SYNE2: variants seen among roughly 807,000 people sequenced by gnomAD.
SYNE2 encodes the protein nesprin-2.
In SYNE2, 431 loss-of-function variants were observed where a neutral mutation model predicts 856.3. That is an observed-to-expected ratio of 0.50 (90% CI 0.47 to 0.55). SYNE2 has a LOEUF of 0.55. SYNE2 is among the 20% of genes least tolerant of loss of function. The pLI is 0.00. For synonymous variants in SYNE2, 2,923 were observed against 2,872.3 expected, an observed-to-expected ratio of 1.02 and a Z score of -0.56; for missense variants, 8,129 against 8,023.2, an observed-to-expected ratio of 1.01 and a Z score of -0.50.
Position 64,090,617 on chromosome 14 carries a change from A to G in SYNE2, c.11794-249A>G, listed in dbSNP as rs1222689291. Among the ~76,000 whole-genome samples, 3 of 152,204 alleles carry G rather than the reference A, an allele frequency of 2.0e-5. No individual in the cohort carries two copies. The East Asian group carries it at 5.8e-4, about 29-fold the overall frequency. On this transcript the variant is annotated intron_variant, in intron 59 of 115. Coordinates refer to ENST00000555002, the MANE Select transcript of SYNE2 (RefSeq NM_182914.3). ...AGTTCTACACAGAAAGTGGAGGGAGAAAAGGAAGAAAAAGTTGTCCAAATG... is the reference window on the plus strand; with the variant it reads ...AGTTCTACACAGAAAGTGGAGGGAGGAAAGGAAGAAAAAGTTGTCCAAATG...
intron 1 of SYNE2, among the ~76,000 whole-genome samples, chr14:63,803,341 C>T (rs555577129): frequency 2.0e-5 from 3 of 152,278 alleles, no homozygotes; most frequent in African/African-American, 7.2e-5. Context: ...GAGGCTCGGG[C>T]GGCACAGGAG....
intron 1 of SYNE2, among the ~76,000 whole-genome samples, chr14:63,786,127 G>A (rs1595108544): frequency 6.6e-6 from 1 of 152,274 alleles, no homozygotes; most frequent in South Asian, 2.1e-4. Context: ...GTGTGTGCCT[G>A]TAATCCCAGC....
intron 58 of SYNE2, among the ~76,000 whole-genome samples, chr14:64,088,784 T>C (rs922498545): frequency 6.6e-6 from 1 of 152,150 alleles, no homozygotes; most frequent in Non-Finnish European, 1.5e-5. Context: ...AAGTTCTTCA[T>C]TATTTACATT....
At chr14:63,784,612 G>T (rs1019222338) in intron 1 of SYNE2, among the ~76,000 whole-genome samples, 1 of 151,818 alleles carries the variant, frequency 6.6e-6, no homozygotes, top group Non-Finnish European at 1.5e-5. Context: ...TTCCCACCTG[G>T]GCCTCCCAAA....
chr14:64,161,109 C>T (rs1167248106), intron 87 of SYNE2, among the ~76,000 whole-genome samples: 3 of 151,710 alleles, frequency 2.0e-5, no homozygotes, highest in East Asian at 1.9e-4. Flanking sequence ...TTTGGGAGGC[C>T]GAGGTGGGTA....
chr14:64,049,661 A>G lies in SYNE2; in HGVS notation c.7428A>G (p.Glu2476=), dbSNP rs1445866745. The part of the protein sequence containing the change: ...EAKKAAIKPL[E]QTECLNKTET... ...AGAAAGCAGCCATTAAGCCACTGGA[A>G]CAAACAGAATGTCTTAACAAAACAG... The change falls in exon 47 of 116, where the codon GAA becomes GAG. Residue 2476 remains glutamate (E), a synonymous_variant. Coordinates refer to ENST00000555002, the MANE Select transcript of SYNE2 (RefSeq NM_182914.3). 1.2e-6 allele frequency: 2 copies of G among 1,614,042 alleles called. No homozygotes were observed. The highest frequency in any genetic ancestry group is 2.7e-5 in the African/African-American group (2 of 74,928).
chr14:63,833,929 T>C (rs1889758334), intron 1 of SYNE2, among the ~76,000 whole-genome samples: 2 of 152,244 alleles, frequency 1.3e-5, no homozygotes, highest in Admixed American at 1.3e-4. Context: ...TCCCCCCTAG[T>C]GGTATGATAA....
At chr14:63,795,865 T>C (rs1887899951) in intron 1 of SYNE2, among the ~76,000 whole-genome samples, 1 of 152,158 alleles carries the variant, frequency 6.6e-6, no homozygotes, top group Non-Finnish European at 1.5e-5. Flanking sequence ...TCATGCTCTG[T>C]GGAAGAAATC....
At chr14:64,051,450 T>C (rs754288939) in intron 47 of SYNE2, 107 bp from the exon 48 acceptor site, 1 of 1,104,088 alleles carries the variant, frequency 9.1e-7, no homozygotes, top group Non-Finnish European at 1.3e-6. Flanking sequence ...GCCTAATTTT[T>C]TCTGTGAATT....
At position 63,998,998 on chromosome 14, in the gene SYNE2, CAGG is replaced by C; in HGVS notation, c.3441_3443del (p.Arg1147del). ...CTTCTGATTTCTCTAGTGAAGAGGA[CAGG>C]AGTAGTTCTTGTCTGCAGGCTAAAC... On this transcript the variant is annotated inframe_deletion, in exon 27 of 116. Coordinates refer to ENST00000555002, the MANE Select transcript of SYNE2 (RefSeq NM_182914.3). 6.2e-7 allele frequency: 1 copy of C among 1,613,896 alleles called. No homozygotes were observed. Among genetic ancestry groups the C allele is most frequent in the Non-Finnish European group, 8.5e-7 (1 of 1,179,788 alleles).
chr14:63,987,550 T>C (rs1166640644), intron 19 of SYNE2, among the ~76,000 whole-genome samples: 1 of 152,214 alleles, frequency 6.6e-6, no homozygotes, highest in Non-Finnish European at 1.5e-5. Context: ...AAAAGGAACA[T>C]TTATATAATT....
chr14:64,106,005 T>C (rs1050174177), intron 64 of SYNE2, among the ~76,000 whole-genome samples: 1 of 149,298 alleles, frequency 6.7e-6, no homozygotes, highest in African/African-American at 2.5e-5. Flanking sequence ...AAGCTAAGAT[T>C]GCACCACTGC....
intron 32 of SYNE2, among the ~76,000 whole-genome samples, chr14:64,015,167 T>G (rs2096883094): frequency 1.3e-5 from 2 of 150,724 alleles, no homozygotes; most frequent in Non-Finnish European, 3.0e-5. Context: ...CCTTGAGAGA[T>G]ATTGTAGTTT....
At chr14:64,028,198 G>A (rs1235404805) in intron 43 of SYNE2, among the ~76,000 whole-genome samples, 1 of 151,726 alleles carries the variant, frequency 6.6e-6, no homozygotes, top group Non-Finnish European at 1.5e-5. Context: ...AGCCACACCT[G>A]GCCTGTTGTT....
At chr14:64,212,133 G>A (rs374498035) in intron 104 of SYNE2, 35 bp downstream of exon 104, 32 of 1,613,080 alleles carry the variant, frequency 2.0e-5, no homozygotes, top group Non-Finnish European at 2.6e-5. Flanking sequence ...CTTCTCAAAA[G>A]AACACACCTT....
intron 1 of SYNE2, among the ~76,000 whole-genome samples, chr14:63,902,859 AATTTTTTTG>A (rs1470141104): frequency 2.0e-5 from 3 of 151,782 alleles, no homozygotes; most frequent in Non-Finnish European, 4.4e-5. Context: ...ATGCCCAGCT[AATTTTTTTG>A]ATTTTTTTGT....
chr14:63,952,946 C>T (rs548509935), intron 7 of SYNE2, among the ~76,000 whole-genome samples: 1 of 152,266 alleles, frequency 6.6e-6, no homozygotes, highest in Non-Finnish European at 1.5e-5. Context: ...CCAAGTGTTG[C>T]AGACAACTGT....
chr14:64,048,020 T>C lies in SYNE2; in HGVS notation c.7242T>C (p.Ala2414=). 6.2e-7 allele frequency: 1 copy of C among 1,613,832 alleles called. No individual in the cohort carries two copies. Among genetic ancestry groups the C allele is most frequent in the African/African-American group, 1.3e-5 (1 of 75,044 alleles). Residue 2414 remains alanine, a synonymous_variant, in exon 46 of 116, where the codon GCT becomes GCC. Coordinates refer to ENST00000555002, the MANE Select transcript of SYNE2 (RefSeq NM_182914.3). The stretch of plus-strand genomic sequence containing the variant: ...TTCAGGATTCAGCTGTGGAAATGGC[T>C]ATGTCAAAACAACTTTCTCTTAATG... ...EINKDSAVEM[A]MSKQLSLNAQ...
At position 64,025,146 on chromosome 14, in the gene SYNE2, G is replaced by C; in HGVS notation, c.5977G>C (p.Val1993Leu). ...AATTTACAGGGAACAGTTTGAATCT[G>C]TGGCCCAATTGAACAACTCTTTGAA... ...LARKREQFES[V>L]AQLNNSLKEY... is the part of the protein sequence containing the mutation. The change falls in exon 41 of 116, where the codon GTG becomes CTG. Residue 1993 changes from valine (V) to leucine (L), a missense_variant. By Grantham distance (32) the Val-to-Leu change is conservative (BLOSUM62 1). Coordinates refer to ENST00000555002, the MANE Select transcript of SYNE2 (RefSeq NM_182914.3). 1 of 1,614,100 alleles carries C rather than the reference G, an allele frequency of 6.2e-7. No individual in the cohort carries two copies. Among genetic ancestry groups the C allele is most frequent in the African/African-American group, 1.3e-5 (1 of 75,060 alleles).
Sources: allele counts gnomAD v4.1 joint callset (sites outside exome capture counted in the v4.1 genomes callset), GRCh38; gene constraint gnomAD v4.1.1; transcripts MANE v1.5; gene names NCBI Gene and HGNC (gene_info 2026-07-23, HGNC 2026-07-21).